The following NFATC1 variants were observed in gnomAD, a reference collection of about 807,000 sequenced individuals.
The protein encoded by NFATC1 is nuclear factor of activated T cells 1.
Under a neutral mutation model 76.0 loss-of-function variants are expected in NFATC1, and 22 were observed. That is an observed-to-expected ratio of 0.29 (90% CI 0.21 to 0.41). The LOEUF is 0.41. Among genes scored for constraint, NFATC1 ranks in the 10% least tolerant of loss-of-function variants. The probability of loss-of-function intolerance (pLI) is 1.00; values close to 1 mark genes in which losing one functional copy is unlikely to be tolerated. For missense variants in NFATC1, 1,357 were observed against 1,337.7 expected (o/e 1.01, Z -0.23); for synonymous variants, 704 against 613.1 (o/e 1.15, Z -2.19).
intron 9 of NFATC1, 88 bp from the exon 10 acceptor site, chr18:79,527,440 C>T (rs535298168): frequency 1.1e-5 from 12 of 1,055,892 alleles, no homozygotes; most frequent in East Asian, 7.3e-5. Context: ...CAGGCGTGAG[C>T]GTCACTGATG....
intron 9 of NFATC1, among the ~76,000 whole-genome samples, chr18:79,511,312 CT>C (rs1054441297): frequency 6.6e-6 from 1 of 152,214 alleles, no homozygotes; most frequent in African/African-American, 2.4e-5. Context: ...TGCCTCCCCC[CT>C]CCCCGCTGCT....
intron 9 of NFATC1, among the ~76,000 whole-genome samples, chr18:79,525,700 T>C (rs1157454323): frequency 6.6e-6 from 1 of 152,226 alleles, no homozygotes; most frequent in African/African-American, 2.4e-5. Flanking sequence ...GAGTCCTTTC[T>C]TTTGGAGCTC....
chr18:79,466,640 A>T (rs907789670), intron 7 of NFATC1, among the ~76,000 whole-genome samples: 2 of 152,192 alleles, frequency 1.3e-5, no homozygotes, highest in Non-Finnish European at 2.9e-5. Context: ...GGCAGCCTCC[A>T]CACGCCGCCC....
intron 8 of NFATC1, 65 bp from the exon 9 acceptor site, chr18:79,486,183 C>CT: frequency 6.7e-7 from 1 of 1,486,274 alleles, no homozygotes; most frequent in Non-Finnish European, 9.2e-7. Context: ...GCCCCAGCCA[C>CT]AAGCCTGCCT....
chr18:79,519,180 A>G (rs2090455345), intron 9 of NFATC1, among the ~76,000 whole-genome samples: 1 of 152,230 alleles, frequency 6.6e-6, no homozygotes, highest in Non-Finnish European at 1.5e-5. Context: ...TGGTTTGAAC[A>G]AGGCAGCAGG....
At chr18:79,492,267 CAAA>C (rs1329323164) in intron 9 of NFATC1, among the ~76,000 whole-genome samples, 4 of 152,096 alleles carry the variant, frequency 2.6e-5, no homozygotes, top group African/African-American at 7.2e-5. Context: ...CTGTGCGTCT[CAAA>C]GAAGTCAAGC....
At chr18:79,492,663 C>A (rs930895284) in intron 9 of NFATC1, among the ~76,000 whole-genome samples, 24 of 151,396 alleles carry the variant, frequency 1.6e-4, no homozygotes, top group African/African-American at 5.8e-4. Flanking sequence ...GAGCTGAGAT[C>A]GCGCCACTGC....
At chr18:79,476,965 G>T (rs905439618) in intron 8 of NFATC1, among the ~76,000 whole-genome samples, 1 of 152,242 alleles carries the variant, frequency 6.6e-6, no homozygotes, top group Admixed American at 6.5e-5. Context: ...CCCAAAGGCG[G>T]ATGGAGTTCG....
intron 6 of NFATC1, among the ~76,000 whole-genome samples, chr18:79,452,299 A>C (rs1248539585): frequency 6.6e-6 from 1 of 152,190 alleles, no homozygotes; most frequent in Non-Finnish European, 1.5e-5. Context: ...GTGGTCTTTA[A>C]TGCCACAGCC....
At chr18:79,424,289 C>T (rs1233213245) in intron 2 of NFATC1, among the ~76,000 whole-genome samples, 1 of 152,148 alleles carries the variant, frequency 6.6e-6, no homozygotes, top group Non-Finnish European at 1.5e-5. Context: ...GGAAGGCCGA[C>T]CTCTCCTGGG....
chr18:79,432,760 G>C (rs2086644419), intron 2 of NFATC1, among the ~76,000 whole-genome samples: 1 of 152,220 alleles, frequency 6.6e-6, no homozygotes, highest in Non-Finnish European at 1.5e-5. Context: ...GGAGTGTTGA[G>C]ACAGTCTGCC....
Position 79,527,991 on chromosome 18 carries a change from G to A in NFATC1, c.*414G>A. ...TTGAGCATTGAATTTGCTACTGTAG[G>A]AGTATTTTTAGGAGCAGAAACTGCA... On this transcript the variant is annotated 3_prime_UTR_variant, in exon 10 of 10. Coordinates refer to ENST00000427363, the MANE Select transcript of NFATC1 (RefSeq NM_001278669.2). 2 of 409,104 alleles carry A rather than the reference G, an allele frequency of 4.9e-6. No individual in the cohort carries two copies. Among genetic ancestry groups the A allele is most frequent in the Non-Finnish European group, 8.6e-6 (2 of 231,600 alleles). 25.3% of individuals were successfully genotyped at this position (409,104 alleles called of 1,614,324 possible).
chr18:79,422,766 G>C (rs1240732700), intron 2 of NFATC1: 1 of 152,382 alleles, frequency 6.6e-6, no homozygotes, highest in East Asian at 1.9e-4. Context: ...GAGCTGCAAG[G>C]AATGTTTCAG....
At chr18:79,409,374 C>T (rs2085574155) in intron 1 of NFATC1, among the ~76,000 whole-genome samples, 1 of 151,532 alleles carries the variant, frequency 6.6e-6, no homozygotes, top group South Asian at 2.1e-4. Context: ...ATCCATCCAT[C>T]CATCATCCAT....
intron 1 of NFATC1, among the ~76,000 whole-genome samples, chr18:79,404,291 G>A (rs2085361059): frequency 6.6e-6 from 1 of 152,214 alleles, no homozygotes. Context: ...TTTGCGCTGT[G>A]ACGAGGCCAT....
At chr18:79,407,196 G>C (rs556465012) in intron 1 of NFATC1, among the ~76,000 whole-genome samples, 2 of 152,242 alleles carry the variant, frequency 1.3e-5, no homozygotes, top group Non-Finnish European at 2.9e-5. Context: ...AAGTTTTAGC[G>C]TTGGGGCCTG....
chr18:79,413,603 G>A (rs1051051365), intron 2 of NFATC1, among the ~76,000 whole-genome samples: 9 of 152,188 alleles, frequency 5.9e-5, no homozygotes, highest in African/African-American at 1.2e-4. Context: ...ACAGCCCCAC[G>A]CTGGGCAGGA....
intron 2 of NFATC1, among the ~76,000 whole-genome samples, chr18:79,428,627 G>C (rs966561422): frequency 6.6e-6 from 1 of 152,202 alleles, no homozygotes; most frequent in Non-Finnish European, 1.5e-5. Flanking sequence ...GTGATAAATG[G>C]GATGCTGTGA....
chr18:79,456,876 C>T (rs1234333244), intron 6 of NFATC1, among the ~76,000 whole-genome samples: 5 of 152,220 alleles, frequency 3.3e-5, no homozygotes, highest in Non-Finnish European at 7.3e-5. Flanking sequence ...TTCCCAGCTC[C>T]AGCGTCCGCG....
Sources: allele counts gnomAD v4.1 joint callset (sites outside exome capture counted in the v4.1 genomes callset), GRCh38; gene constraint gnomAD v4.1.1; transcripts MANE v1.5; gene names NCBI Gene and HGNC (gene_info 2026-07-23, HGNC 2026-07-21).